Variants in OXCT1 observed in about 807,000 individuals in gnomAD.
OXCT1 encodes succinyl-CoA:3-ketoacid coenzyme A transferase 1, mitochondrial.
Under a neutral mutation model 69.6 loss-of-function variants are expected in OXCT1, and 27 were observed. The ratio of observed to expected loss-of-function variants is 0.39; its 90% CI spans 0.29 to 0.54. OXCT1 has a LOEUF of 0.54. Ranked by LOEUF, OXCT1 falls within the 20% of genes least tolerant of loss-of-function variation. OXCT1 has a pLI of 0.72. For missense variants in OXCT1, 437 were observed against 650.2 expected (o/e 0.67, Z 3.57); for synonymous variants, 202 against 217.8 (o/e 0.93, Z 0.64).
intron 4 of OXCT1, among the ~76,000 whole-genome samples, chr5:41,852,970 C>A (rs930361903): frequency 6.6e-6 from 1 of 152,000 alleles, no homozygotes; most frequent in Non-Finnish European, 1.5e-5. Context: ...TCTCAGGAGG[C>A]CGAGGCAGGA....
At chr5:41,805,494 G>T (rs1746631007) in intron 9 of OXCT1, 73 bp downstream of exon 9, 1 of 949,296 alleles carries the variant, frequency 1.1e-6, no homozygotes, top group Non-Finnish European at 1.7e-6. Context: ...CTATGCAAGA[G>T]GTCTAATAGC....
intron 5 of OXCT1, among the ~76,000 whole-genome samples, chr5:41,848,497 C>T (rs763154681): frequency 2.8e-5 from 4 of 145,022 alleles, no homozygotes; most frequent in African/African-American, 1.0e-4. Context: ...GCCAAAAGAA[C>T]AAAGCCGGAG....
chr5:41,862,849 AT>A, intron 1 of OXCT1, 99 bp from the exon 2 acceptor site: 1 of 732,768 alleles, frequency 1.4e-6, no homozygotes, highest in East Asian at 2.8e-5. Context: ...TGATAATTTC[AT>A]TATCTCCTTT....
chr5:41,810,062 T>C (rs1241591413), intron 7 of OXCT1, among the ~76,000 whole-genome samples: 1 of 151,814 alleles, frequency 6.6e-6, no homozygotes, highest in Non-Finnish European at 1.5e-5. Context: ...AAACATGTTT[T>C]CAGACAATCT....
intron 10 of OXCT1, among the ~76,000 whole-genome samples, chr5:41,801,700 G>A (rs1055739058): frequency 1.3e-5 from 2 of 151,928 alleles, no homozygotes; most frequent in African/African-American, 4.8e-5. Flanking sequence ...CCTGAATTTG[G>A]GTTTCTAATC....
chr5:41,802,516 G>C (rs1015999844), intron 10 of OXCT1, among the ~76,000 whole-genome samples: 2 of 152,060 alleles, frequency 1.3e-5, no homozygotes, highest in Non-Finnish European at 2.9e-5. Context: ...TTCAAAAGGA[G>C]AATGAGATGA....
At chr5:41,844,730 A>G (rs1280352419) in intron 5 of OXCT1, among the ~76,000 whole-genome samples, 2 of 151,932 alleles carry the variant, frequency 1.3e-5, no homozygotes, top group Non-Finnish European at 2.9e-5. Flanking sequence ...CCTGTGCTTC[A>G]TTCATCTTAC....
At chr5:41,833,038 G>C (rs1224660208) in intron 7 of OXCT1, among the ~76,000 whole-genome samples, 1 of 152,118 alleles carries the variant, frequency 6.6e-6, no homozygotes, top group Non-Finnish European at 1.5e-5. Context: ...CCAATACTAA[G>C]AGTTACTGGC....
intron 7 of OXCT1, among the ~76,000 whole-genome samples, chr5:41,826,924 C>A (rs1406652622): frequency 6.6e-6 from 1 of 152,170 alleles, no homozygotes; most frequent in African/African-American, 2.4e-5. Flanking sequence ...TGTATCATTG[C>A]TCAAGCCAAG....
intron 7 of OXCT1, among the ~76,000 whole-genome samples, chr5:41,833,615 A>G (rs1748208170): frequency 1.3e-5 from 2 of 152,204 alleles, no homozygotes; most frequent in African/African-American, 4.8e-5. Flanking sequence ...ATAGAAACAC[A>G]GGATATTATT....
intron 11 of OXCT1, among the ~76,000 whole-genome samples, 157 bp downstream of exon 11, chr5:41,800,865 C>T (rs994176409): frequency 6.6e-6 from 1 of 152,020 alleles, no homozygotes; most frequent in Non-Finnish European, 1.5e-5. Flanking sequence ...CTTGGTCATT[C>T]CTGAATGAGG....
chr5:41,844,249 C>T (rs1355879646), intron 5 of OXCT1, among the ~76,000 whole-genome samples: 1 of 152,184 alleles, frequency 6.6e-6, no homozygotes, highest in Non-Finnish European at 1.5e-5. Context: ...ACCACTTCCT[C>T]ACTTTTTGGT....
At chr5:41,755,440 T>C (rs1357373914) in intron 14 of OXCT1, among the ~76,000 whole-genome samples, 2 of 152,074 alleles carry the variant, frequency 1.3e-5, no homozygotes, top group African/African-American at 4.8e-5. Context: ...TACGCTTTTA[T>C]AAATGAGAAA....
intron 13 of OXCT1, among the ~76,000 whole-genome samples, chr5:41,792,985 G>A (rs1173551127): frequency 2.6e-5 from 4 of 152,140 alleles, no homozygotes; most frequent in Admixed American, 2.0e-4. Flanking sequence ...CACCAAGTTT[G>A]AAAACTAGGG....
At chr5:41,813,691 A>G (rs568517696) in intron 7 of OXCT1, among the ~76,000 whole-genome samples, 21 of 152,232 alleles carry the variant, frequency 1.4e-4, no homozygotes, top group Admixed American at 9.2e-4. Flanking sequence ...AGTATTTACT[A>G]AAAGAGGTGA....
At chr5:41,748,476 T>C (rs1391151867) in intron 15 of OXCT1, among the ~76,000 whole-genome samples, 1 of 152,102 alleles carries the variant, frequency 6.6e-6, no homozygotes, top group Non-Finnish European at 1.5e-5. Context: ...TGGATTCTTT[T>C]CAACAATCCC....
chr5:41,826,695 C>T (rs1024616876), intron 7 of OXCT1, among the ~76,000 whole-genome samples: 1 of 152,096 alleles, frequency 6.6e-6, no homozygotes, highest in Non-Finnish European at 1.5e-5. Context: ...GCTTCTTTCC[C>T]TAAGTGATCT....
intron 7 of OXCT1, among the ~76,000 whole-genome samples, chr5:41,835,245 A>T (rs1231312005): frequency 1.3e-5 from 2 of 152,220 alleles, no homozygotes; most frequent in Non-Finnish European, 2.9e-5. Context: ...AAATTCCTAG[A>T]CATATATAAC....
chr5:41,836,082 G>A (rs1748346555), intron 7 of OXCT1, among the ~76,000 whole-genome samples: 1 of 152,200 alleles, frequency 6.6e-6, no homozygotes, highest in South Asian at 2.1e-4. Context: ...AGCCAAATTA[G>A]TTCCCTTTGG....
Sources: gnomAD v4.1 joint callset for allele counts (sites outside exome capture counted in the v4.1 genomes callset) on GRCh38, gnomAD v4.1.1 for gene constraint, MANE v1.5 for transcripts, NCBI Gene and HGNC (gene_info 2026-07-23, HGNC 2026-07-21) for gene names.